Variants in L3MBTL4 observed in about 807,000 individuals in gnomAD.
The protein encoded by L3MBTL4 is lethal(3)malignant brain tumor-like protein 4.
In L3MBTL4, 70 loss-of-function variants were observed where a neutral mutation model predicts 84.5. The ratio of observed to expected loss-of-function variants is 0.83; its 90% CI spans 0.68 to 1.01. The LOEUF (loss-of-function observed/expected upper bound fraction) is 1.01, where lower values mean the gene tolerates loss of function less well. Among genes scored for constraint, L3MBTL4 ranks in the 50% least tolerant of loss-of-function variants. L3MBTL4 has a pLI of 0.00. For missense variants in L3MBTL4, 715 were observed against 754.8 expected, an observed-to-expected ratio of 0.95 and a Z score of 0.62; for synonymous variants, 274 against 259.8, an observed-to-expected ratio of 1.05 and a Z score of -0.52.
Position 6,328,628 on chromosome 18 carries a change from T to C in L3MBTL4, c.-90-16572A>G, listed in dbSNP as rs138121031. ...ATCAAACTATTTTGTTGCTAGAACA[T>C]GTCTCTACTAGGAGCATTTCAGAAT... On this transcript the variant is annotated intron_variant, in intron 1 of 18. Coordinates refer to ENST00000317931, the MANE Select transcript of L3MBTL4 (RefSeq NM_001330559.2). Among the ~76,000 whole-genome samples the C allele has an allele frequency of 3.6e-3, 552 of 152,368 alleles. 6 individuals are homozygous for C. Among genetic ancestry groups the C allele is most frequent in the African/African-American group, 0.012 (515 of 41,576 alleles).
At chr18:6,258,223 T>C (rs548282669) in intron 5 of L3MBTL4, among the ~76,000 whole-genome samples, 3 of 152,276 alleles carry the variant, frequency 2.0e-5, no homozygotes, top group Admixed American at 2.0e-4. Context: ...AGCATAGACC[T>C]GCTTTCCTAG....
chr18:6,226,407 A>AAAT (rs1353160536), intron 10 of L3MBTL4, among the ~76,000 whole-genome samples: 1 of 152,172 alleles, frequency 6.6e-6, no homozygotes, highest in Non-Finnish European at 1.5e-5. Context: ...TTCTGCCTCC[A>AAAT]AATAATAATA....
At chr18:6,101,116 C>A (rs796738225) in intron 14 of L3MBTL4, among the ~76,000 whole-genome samples, 6 of 152,302 alleles carry the variant, frequency 3.9e-5, no homozygotes, top group African/African-American at 1.4e-4. Context: ...CATCTTGCTA[C>A]ACTGCCCCTT....
At chr18:6,120,331 T>C (rs2059486776) in intron 14 of L3MBTL4, among the ~76,000 whole-genome samples, 1 of 152,078 alleles carries the variant, frequency 6.6e-6, no homozygotes, top group Non-Finnish European at 1.5e-5. Context: ...GAGGTGGCTA[T>C]GGAGAGGGAA....
intron 16 of L3MBTL4, among the ~76,000 whole-genome samples, chr18:6,014,894 C>A (rs373381522): frequency 6.6e-6 from 1 of 151,982 alleles, no homozygotes; most frequent in African/African-American, 2.4e-5. Flanking sequence ...ACAGGAAGAG[C>A]GGGAGGACTG....
chr18:6,364,782 T>G (rs1339291716), intron 1 of L3MBTL4, among the ~76,000 whole-genome samples: 1 of 152,252 alleles, frequency 6.6e-6, no homozygotes, highest in Admixed American at 6.5e-5. Context: ...CGATGCCTAA[T>G]ACTTTCATAA....
At chr18:6,386,390 C>T (rs2054820545) in intron 1 of L3MBTL4, among the ~76,000 whole-genome samples, 1 of 152,212 alleles carries the variant, frequency 6.6e-6, no homozygotes, top group Non-Finnish European at 1.5e-5. Flanking sequence ...CCAGGAGCAA[C>T]ATAGCAAGAT....
intron 1 of L3MBTL4, among the ~76,000 whole-genome samples, chr18:6,334,748 TG>T (rs1166457269): frequency 6.6e-6 from 1 of 152,178 alleles, no homozygotes; most frequent in Non-Finnish European, 1.5e-5. Flanking sequence ...ATAGTTTGTT[TG>T]GGGGTAAGGA....
intron 13 of L3MBTL4, among the ~76,000 whole-genome samples, chr18:6,154,495 C>T (rs772462125): frequency 1.3e-5 from 2 of 152,058 alleles, no homozygotes; most frequent in Non-Finnish European, 2.9e-5. Context: ...GGTATGAGCA[C>T]GAGATAGAAG....
At chr18:6,242,683 T>G (rs2047501327) in intron 7 of L3MBTL4, among the ~76,000 whole-genome samples, 2 of 152,196 alleles carry the variant, frequency 1.3e-5, no homozygotes, top group Non-Finnish European at 2.9e-5. Flanking sequence ...CCAGAGACAA[T>G]GTACAGAAGT....
intron 16 of L3MBTL4, among the ~76,000 whole-genome samples, chr18:6,069,882 G>A (rs1261553050): frequency 1.3e-5 from 2 of 151,990 alleles, no homozygotes; most frequent in Non-Finnish European, 2.9e-5. Flanking sequence ...ATCATACATA[G>A]GTAAATTGCT....
chr18:6,240,718 T>A (rs192567892), intron 8 of L3MBTL4, among the ~76,000 whole-genome samples: 3 of 152,292 alleles, frequency 2.0e-5, no homozygotes, highest in African/African-American at 2.4e-5. Context: ...TTGATACAAA[T>A]CTAGGAAACA....
At chr18:6,289,453 A>C (rs1047995882) in intron 4 of L3MBTL4, among the ~76,000 whole-genome samples, 1 of 152,192 alleles carries the variant, frequency 6.6e-6, no homozygotes, top group African/African-American at 2.4e-5. Context: ...CCTATTCCTA[A>C]CACTTTTCTT....
At chr18:6,362,346 G>A (rs944648555) in intron 1 of L3MBTL4, among the ~76,000 whole-genome samples, 2 of 151,924 alleles carry the variant, frequency 1.3e-5, no homozygotes, top group African/African-American at 4.8e-5. Context: ...GAAAAGAAGA[G>A]AAAAGAAAAG....
intron 4 of L3MBTL4, among the ~76,000 whole-genome samples, chr18:6,264,910 A>G (rs899945330): frequency 6.6e-6 from 1 of 152,248 alleles, no homozygotes; most frequent in Non-Finnish European, 1.5e-5. Flanking sequence ...TCCCACATCA[A>G]ATTAAACACT....
At chr18:6,203,149 C>T (rs895296552) in intron 12 of L3MBTL4, among the ~76,000 whole-genome samples, 1 of 152,200 alleles carries the variant, frequency 6.6e-6, no homozygotes, top group African/African-American at 2.4e-5. Context: ...TTAAGAAAAG[C>T]AGAGAAGCCA....
intron 5 of L3MBTL4, among the ~76,000 whole-genome samples, chr18:6,257,645 C>CT (rs770563046): frequency 0.032 from 4,110 of 127,452 alleles, 204 homozygotes; most frequent in African/African-American, 0.1. Flanking sequence ...TTTTCTTTTT[C>CT]TTTTTTTTTT....
chr18:6,317,069 T>C (rs1361326791), intron 1 of L3MBTL4, among the ~76,000 whole-genome samples: 1 of 152,148 alleles, frequency 6.6e-6, no homozygotes, highest in Non-Finnish European at 1.5e-5. Flanking sequence ...AAGAGATCTC[T>C]GCCATTCCAA....
At chr18:6,023,165 A>G (rs1298670927) in intron 16 of L3MBTL4, among the ~76,000 whole-genome samples, 1 of 152,204 alleles carries the variant, frequency 6.6e-6, no homozygotes, top group Non-Finnish European at 1.5e-5. Flanking sequence ...GGCTATACTA[A>G]GAGTTTAAAA....
Sources: gnomAD v4.1 joint callset for allele counts (sites outside exome capture counted in the v4.1 genomes callset) on GRCh38, gnomAD v4.1.1 for gene constraint, MANE v1.5 for transcripts, NCBI Gene and HGNC (gene_info 2026-07-23, HGNC 2026-07-21) for gene names.